Variants in FRAS1 observed in about 807,000 individuals in gnomAD.
The protein encoded by FRAS1 is Fraser extracellular matrix complex subunit 1, also known as extracellular matrix organizing protein FRAS1.
In FRAS1, 290 loss-of-function variants were observed where a neutral mutation model predicts 435.2. The observed-to-expected ratio is 0.67, with a 90% CI of 0.61 to 0.73. FRAS1 has a LOEUF of 0.73. Ranked by LOEUF, FRAS1 falls within the 30% of genes least tolerant of loss-of-function variation. FRAS1 has a pLI of 0.00. For missense variants in FRAS1, 4,860 were observed against 5,001.5 expected, an observed-to-expected ratio of 0.97 and a Z score of 0.85; for synonymous variants, 1,800 against 1,851.0, an observed-to-expected ratio of 0.97 and a Z score of 0.71.
At chr4:78,249,847 G>T (rs773285425) in intron 4 of FRAS1, among the ~76,000 whole-genome samples, 6 of 152,138 alleles carry the variant, frequency 3.9e-5, no homozygotes, top group Non-Finnish European at 8.8e-5. Flanking sequence ...CTGAAAGGTA[G>T]TGTGACTGCA....
At chr4:78,422,637 G>A (rs1733834271) in intron 34 of FRAS1, among the ~76,000 whole-genome samples, 1 of 152,194 alleles carries the variant, frequency 6.6e-6, no homozygotes, top group Non-Finnish European at 1.5e-5. Flanking sequence ...GGATGCATCT[G>A]GTGGGAGAGA....
rs1362793317 is a variant in FRAS1 at position 78,284,544 on chromosome 4, T to C, written c.1395T>C (p.Cys465=). 1.2e-6 allele frequency: 2 copies of C among 1,610,378 alleles called. No homozygotes were observed. The highest frequency in any genetic ancestry group is 1.7e-6 in the Non-Finnish European group (2 of 1,178,292). The change falls in exon 13 of 74, where the codon TGT becomes TGC. Residue 465 remains cysteine (C), a synonymous_variant. Transcript: ENST00000512123. ...GTTTTTACCAAGCTGGCAGTCTCTG[T>C]TTAGGTATGGCTCCAAGTGGACAAC... ...GLGFYQAGSL[C]LACQPQCSTC... is the part of the protein sequence containing the mutation.
chr4:78,483,763 A>G (rs1720081898), intron 58 of FRAS1, among the ~76,000 whole-genome samples: 1 of 30,934 alleles, frequency 3.2e-5, no homozygotes, highest in Admixed American at 5.5e-4. Flanking sequence ...AGGAGAAAAA[A>G]AAAACTCTCT....
At chr4:78,496,358 G>A (rs1720506491) in intron 59 of FRAS1, among the ~76,000 whole-genome samples, 1 of 152,086 alleles carries the variant, frequency 6.6e-6, no homozygotes, top group African/African-American at 2.4e-5. Context: ...TTCTTTATAA[G>A]ACTTCAATTT....
chr4:78,314,220 G>T (rs750149332), intron 15 of FRAS1, among the ~76,000 whole-genome samples: 2 of 151,872 alleles, frequency 1.3e-5, no homozygotes, highest in Non-Finnish European at 2.9e-5. Flanking sequence ...GCTTGTATAT[G>T]ATGACCCCAT....
At chr4:78,317,173 G>C (rs1046842851) in intron 16 of FRAS1, among the ~76,000 whole-genome samples, 195 bp from the exon 17 acceptor site, 4 of 152,194 alleles carry the variant, frequency 2.6e-5, no homozygotes, top group African/African-American at 7.2e-5. Context: ...GCAATATGTA[G>C]AGCATGGCTA....
chr4:78,509,475 C>CTTTTTTTTTTTTTTTTTTTTTTTTTTT (rs1560418759), intron 63 of FRAS1, among the ~76,000 whole-genome samples: 12 of 152,296 alleles, frequency 7.9e-5, no homozygotes, highest in African/African-American at 2.9e-4. Context: ...TACCACATTT[C>CTTTTTTTTTTTTTTTTTTTTTTTTTTT]TGTAATGCAG....
At chr4:78,136,606 G>A (rs1046214371) in intron 2 of FRAS1, among the ~76,000 whole-genome samples, 6 of 152,220 alleles carry the variant, frequency 3.9e-5, no homozygotes, top group African/African-American at 1.4e-4. Flanking sequence ...AATCTCTCCA[G>A]TTCTTGAATG....
At chr4:78,235,777 T>A (rs1033845082) in intron 2 of FRAS1, among the ~76,000 whole-genome samples, 1 of 152,182 alleles carries the variant, frequency 6.6e-6, no homozygotes, top group Non-Finnish European at 1.5e-5. Context: ...GGTGAAACCC[T>A]GTCTTTACAA....
chr4:78,200,437 G>A (rs1723001575), intron 2 of FRAS1, among the ~76,000 whole-genome samples: 1 of 152,154 alleles, frequency 6.6e-6, no homozygotes, highest in South Asian at 2.1e-4. Flanking sequence ...TCCCAAAGCA[G>A]CGCTGCTGAT....
At chr4:78,175,724 G>C (rs1459616786) in intron 2 of FRAS1, among the ~76,000 whole-genome samples, 1 of 152,172 alleles carries the variant, frequency 6.6e-6, no homozygotes, top group Non-Finnish European at 1.5e-5. Context: ...TCAGATGAGA[G>C]ACCTGGCCAG....
rs1247158155 is a variant in FRAS1, at chr4:78,182,902, A to G, written c.109-54608A>G. 2.0e-5 allele frequency among the ~76,000 whole-genome samples: 3 copies of G among 151,286 alleles called. No homozygotes were observed. The South Asian group carries it at 6.3e-4, about 32-fold the overall frequency. Reference sequence around the variant, plus strand: ...CTCAAAAAAAAGAAAAAAAGAAAAAAAAAAATGCCCAGAGGACAGAGAACT... The same window carrying G: ...CTCAAAAAAAAGAAAAAAAGAAAAAGAAAAATGCCCAGAGGACAGAGAACT... On this transcript the variant is annotated intron_variant, in intron 2 of 73. Coordinates refer to ENST00000512123, the MANE Select transcript of FRAS1 (RefSeq NM_025074.7).
intron 54 of FRAS1, among the ~76,000 whole-genome samples, chr4:78,476,795 A>G (rs1430408659): frequency 6.6e-6 from 1 of 152,172 alleles, no homozygotes; most frequent in Non-Finnish European, 1.5e-5. Flanking sequence ...TTGATTAGAT[A>G]TATACTAATA....
At chr4:78,095,030 C>A (rs901625955) in intron 2 of FRAS1, among the ~76,000 whole-genome samples, 4 of 152,240 alleles carry the variant, frequency 2.6e-5, no homozygotes, top group African/African-American at 9.6e-5. Context: ...TCATCACACT[C>A]TTCCCAGGAC....
chr4:78,463,149 G>C (rs569136215), intron 47 of FRAS1, among the ~76,000 whole-genome samples: 1 of 152,154 alleles, frequency 6.6e-6, no homozygotes, highest in African/African-American at 2.4e-5. Context: ...ACCTGGGTAT[G>C]AGCCCTAGCA....
At chr4:78,437,325 A>C (rs1221280401) in intron 38 of FRAS1, among the ~76,000 whole-genome samples, 1 of 152,234 alleles carries the variant, frequency 6.6e-6, no homozygotes, top group Non-Finnish European at 1.5e-5. Flanking sequence ...CTGTCTTTTT[A>C]AAAGTCTCTC....
chr4:78,437,282 G>A (rs1333487481), intron 38 of FRAS1, among the ~76,000 whole-genome samples: 2 of 152,172 alleles, frequency 1.3e-5, no homozygotes, highest in Non-Finnish European at 2.9e-5. Flanking sequence ...TAGTTTATCA[G>A]CAATTCAGAA....
chr4:78,422,664 C>T (rs147557248), intron 34 of FRAS1, among the ~76,000 whole-genome samples: 142 of 152,312 alleles, frequency 9.3e-4, no homozygotes, highest in African/African-American at 3.4e-3. Flanking sequence ...CCATACCTGA[C>T]AGACCCTCGA....
chr4:78,458,537 C>T (rs1719273083), intron 47 of FRAS1, among the ~76,000 whole-genome samples: 1 of 152,144 alleles, frequency 6.6e-6, no homozygotes, highest in South Asian at 2.1e-4. Context: ...GAGATGGGAA[C>T]CTTAGACACT....
Sources: allele counts gnomAD v4.1 joint callset (sites outside exome capture counted in the v4.1 genomes callset), GRCh38; gene constraint gnomAD v4.1.1; transcripts MANE v1.5; gene names NCBI Gene and HGNC (gene_info 2026-07-23, HGNC 2026-07-21).